Variants in KCNQ1 observed in about 807,000 individuals in gnomAD.
KCNQ1 encodes the protein potassium voltage-gated channel subfamily KQT member 1.
A neutral mutation model predicts 72.4 loss-of-function variants in KCNQ1; 49 were observed. The ratio of observed to expected loss-of-function variants is 0.68; its 90% CI spans 0.54 to 0.86. The LOEUF is 0.86. Among genes scored for constraint, KCNQ1 ranks in the 40% least tolerant of loss-of-function variants. KCNQ1 has a pLI of 0.00. For synonymous variants in KCNQ1, 450 were observed against 412.6 expected, an observed-to-expected ratio of 1.09 and a Z score of -1.10; for missense variants, 790 against 945.1, an observed-to-expected ratio of 0.84 and a Z score of 2.15.
At chr11:2,557,490 A>T (rs1226963264) in intron 2 of KCNQ1, among the ~76,000 whole-genome samples, 1 of 152,240 alleles carries the variant, frequency 6.6e-6, no homozygotes, top group Non-Finnish European at 1.5e-5. Context: ...TGTTATCTAT[A>T]GCCATGTAAC....
rs2133807615 is a variant in KCNQ1 at position 2,623,974 on chromosome 11, A to G, written c.1393+35120A>G. Reference sequence around the variant, plus strand: ...AACTCTTCTCCACCAGGGCTGCACCACTTTACATTCCCATTAATGGTATAT... The same window carrying G: ...AACTCTTCTCCACCAGGGCTGCACCGCTTTACATTCCCATTAATGGTATAT... On this transcript the variant is annotated intron_variant, in intron 10 of 15. Transcript: ENST00000155840. The surrounding 1 kb of genome is among the most constrained non-coding windows in gnomAD (Gnocchi z 5.2). 3 of 398,680 alleles carry G rather than the reference A, an allele frequency of 7.5e-6. No homozygotes were observed. The East Asian group carries it at 1.1e-4, about 14-fold the overall frequency. The allele number at this position is 398,680 out of a possible 1,614,324, so 24.7% of individuals were successfully genotyped here.
rs950562236 is a variant in KCNQ1 at position 2,766,500 on chromosome 11, G to A, written c.1515-2344G>A. ...AGAGTAGATGCCACAAGGTCCTTGA[G>A]GCTGAGCTTCAGAAGACATGATCAT... On this transcript the variant is annotated intron_variant, in intron 11 of 15. Transcript: ENST00000155840. The surrounding 1 kb of genome is among the most constrained non-coding windows in gnomAD (Gnocchi z 4.4). Among the ~76,000 whole-genome samples, 19 of 152,192 alleles carry A rather than the reference G, an allele frequency of 1.2e-4. No individual in the cohort carries two copies. The highest frequency in any genetic ancestry group is 4.6e-4 in the African/African-American group (19 of 41,448).
intron 11 of KCNQ1, chr11:2,667,860 C>T (rs1215308613): frequency 7.5e-6 from 3 of 398,510 alleles, no homozygotes; most frequent in East Asian, 3.6e-5. Context: ...TGTGCATGCA[C>T]ACAGATTAGT....
At chr11:2,791,612 AACCGGCGGC>A (rs1461822085) in intron 15 of KCNQ1, among the ~76,000 whole-genome samples, 1 of 152,062 alleles carries the variant, frequency 6.6e-6, no homozygotes, top group African/African-American at 2.4e-5. Flanking sequence ...GGACGGGGCG[AACCGGCGGC>A]ACAGGCCCAG....
intron 11 of KCNQ1, chr11:2,688,170 G>A (rs1850524010): frequency 2.5e-6 from 1 of 398,782 alleles, no homozygotes; most frequent in East Asian, 3.6e-5. Context: ...GGCCTCTGCA[G>A]ACAGCTCCCA....
rs1256123445 is a variant in KCNQ1, at chr11:2,663,084, G to C, written c.1514+1003G>C. ...GGCAGGGTTGGGTAGCCAGAATGAG[G>C]CCACCTCCAGGGAAGGAGTGGCTAT... On this transcript the variant is annotated intron_variant, in intron 11 of 15. Transcript: ENST00000155840. This position sits in a 1 kb window ranked among gnomAD's most constrained non-coding sequence, Gnocchi z 5.2. The C allele has an allele frequency of 7.5e-6, 3 of 398,716 alleles. No homozygotes were observed. In the East Asian group the frequency reaches 1.1e-4, roughly 14 times the overall value. The allele number at this position is 398,716 out of a possible 1,614,324, so 24.7% of individuals were successfully genotyped here. A position where few individuals can be genotyped will look rare whatever the true frequency, so the allele number is the denominator to read the frequency against.
chr11:2,506,374 G>A (rs765305001), intron 1 of KCNQ1, among the ~76,000 whole-genome samples: 17 of 152,096 alleles, frequency 1.1e-4, no homozygotes, highest in African/African-American at 3.4e-4. Flanking sequence ...ATATCAGTTC[G>A]TGGGGTCCTT....
intron 10 of KCNQ1, among the ~76,000 whole-genome samples, chr11:2,606,432 T>G (rs553090130): frequency 2.6e-5 from 4 of 152,292 alleles, no homozygotes; most frequent in Admixed American, 2.6e-4. Context: ...CCCGTGGTAA[T>G]GAGCGAATTC....
Position 2,767,897 on chromosome 11 carries a change from G to A in KCNQ1, c.1515-947G>A, listed in dbSNP as rs1846526200. The stretch of plus-strand genomic sequence containing the variant: ...TTTTCCCTCGTGTCCTGGCTGTCCT[G>A]TGGCCCTGGACTCCACATTTTTATC... On this transcript the variant is annotated intron_variant, in intron 11 of 15. Transcript: ENST00000155840. The surrounding 1 kb of genome is among the most constrained non-coding windows in gnomAD (Gnocchi z 4.6). Among the ~76,000 whole-genome samples, 1 of 152,224 alleles carries A rather than the reference G, an allele frequency of 6.6e-6. No homozygotes were observed. The highest frequency in any genetic ancestry group is 2.4e-5 in the African/African-American group (1 of 41,462).
intron 11 of KCNQ1, among the ~76,000 whole-genome samples, chr11:2,714,722 C>G (rs1280365620): frequency 2.0e-5 from 3 of 152,156 alleles, no homozygotes; most frequent in Non-Finnish European, 4.4e-5. Flanking sequence ...GAAAGGGACA[C>G]GAAGCCCTTG....
intron 10 of KCNQ1, chr11:2,648,341 T>C: frequency 7.5e-6 from 3 of 398,644 alleles, no homozygotes; most frequent in Non-Finnish European, 1.3e-5. Flanking sequence ...GCTTTTCTAG[T>C]TCCTTGAGAT....
At chr11:2,472,199 G>C (rs767236202) in intron 1 of KCNQ1, among the ~76,000 whole-genome samples, 1 of 150,970 alleles carries the variant, frequency 6.6e-6, no homozygotes, top group Non-Finnish European at 1.5e-5. Context: ...ATGTCTATGT[G>C]TGCACATGTG....
At position 2,526,719 on chromosome 11, in the gene KCNQ1, G is replaced by A. The variant is rs550579638; in HGVS notation, c.387-1209G>A. 6.6e-6 allele frequency among the ~76,000 whole-genome samples: 1 copy of A among 152,100 alleles called. No homozygotes were observed. The highest frequency in any genetic ancestry group is 1.5e-5 in the Non-Finnish European group (1 of 68,000). On this transcript the variant is annotated intron_variant, in intron 1 of 15. Coordinates refer to ENST00000155840, the MANE Select transcript of KCNQ1 (RefSeq NM_000218.3). The surrounding 1 kb of genome is among the most constrained non-coding windows in gnomAD (Gnocchi z 6.1). ...CACATCTGGACAGGTGGAAGAGGAT[G>A]GGTTCTGGGTGGGGCTGACTTCAGG...
At chr11:2,777,165 C>G (rs536282382) in intron 14 of KCNQ1, 133 bp downstream of exon 14, 213 of 906,362 alleles carry the variant, frequency 2.4e-4, no homozygotes, top group Admixed American at 4.6e-4. Flanking sequence ...GAAATGAAAG[C>G]CAGGGAGTAA....
At chr11:2,751,652 G>T (rs1846228279) in intron 11 of KCNQ1, among the ~76,000 whole-genome samples, 1 of 152,268 alleles carries the variant, frequency 6.6e-6, no homozygotes, top group African/African-American at 2.4e-5. Flanking sequence ...TGAGAGCGGT[G>T]GCTGTCCCAG....
chr11:2,571,705 T>C (rs1308496285), intron 4 of KCNQ1, among the ~76,000 whole-genome samples: 1 of 152,030 alleles, frequency 6.6e-6, no homozygotes, highest in African/African-American at 2.4e-5. Flanking sequence ...AGCCTGCCCA[T>C]CTGCAAACTG....
rs1271993446 is a variant in KCNQ1, at chr11:2,663,242, A to AAAGCAGGG, written c.1514+1162_1514+1169dup. The AAAGCAGGG allele has an allele frequency of 7.5e-6, 3 of 398,554 alleles. No individual in the cohort carries two copies. Among genetic ancestry groups the AAAGCAGGG allele is most frequent in the Non-Finnish European group, 1.3e-5 (3 of 226,126 alleles). 24.7% of individuals were successfully genotyped at this position (398,554 alleles called of 1,614,324 possible). A position where few individuals can be genotyped will look rare whatever the true frequency, so the allele number is the denominator to read the frequency against. Reference sequence around the variant, plus strand: ...TCCAAGGGAGCCAGCAGATCACTGGAAAGCAGGGGTGACTAGTCATGGACA... The same window carrying AAAGCAGGG: ...TCCAAGGGAGCCAGCAGATCACTGGAAAGCAGGGAAGCAGGGGTGACTAGTCATGGACA... On this transcript the variant is annotated intron_variant, in intron 11 of 15. Coordinates refer to ENST00000155840, the MANE Select transcript of KCNQ1 (RefSeq NM_000218.3). The surrounding 1 kb of genome is among the most constrained non-coding windows in gnomAD (Gnocchi z 5.2).
chr11:2,801,374 A>C lies in KCNQ1; in HGVS notation c.1794+23337A>C, dbSNP rs142323205. On this transcript the variant is annotated intron_variant, in intron 15 of 15. Transcript: ENST00000155840. ...GGCCAGTCGTATCAGCTGGCTCAGC[A>C]GCAAAGGCTTCAGACCAGGGGACTT... Among the ~76,000 whole-genome samples, 282 of 152,346 alleles carry C rather than the reference A, an allele frequency of 1.9e-3. 2 individuals carry two copies. Among genetic ancestry groups the C allele is most frequent in the African/African-American group, 6.2e-3 (259 of 41,574 alleles).
chr11:2,848,046 G>A lies in KCNQ1; in HGVS notation c.*43G>A, dbSNP rs1461477002. 2.7e-6 allele frequency: 4 copies of A among 1,478,542 alleles called. No individual in the cohort carries two copies. Among genetic ancestry groups the A allele is most frequent in the Non-Finnish European group, 1.8e-6 (2 of 1,091,476 alleles). 91.6% of individuals were successfully genotyped at this position (1,478,542 alleles called of 1,614,324 possible). On this transcript the variant is annotated 3_prime_UTR_variant, in exon 16 of 16. Transcript: ENST00000155840. Reference sequence around the variant, plus strand: ...GGGATGGGCCTGAGTGAGAGGGGAGGCCAAGAGTGGCCCCACCTGGCCCTC... The same window carrying A: ...GGGATGGGCCTGAGTGAGAGGGGAGACCAAGAGTGGCCCCACCTGGCCCTC...
Sources: allele counts gnomAD v4.1 joint callset (sites outside exome capture counted in the v4.1 genomes callset), GRCh38; gene constraint gnomAD v4.1.1; non-coding constraint Gnocchi (gnomAD v3.1); transcripts MANE v1.5; gene names NCBI Gene and HGNC (gene_info 2026-07-23, HGNC 2026-07-21).